LPAR1: variants seen among roughly 807,000 people sequenced by gnomAD.
The protein encoded by LPAR1 is LPA receptor 1.
A neutral mutation model predicts 23.8 loss-of-function variants in LPAR1; 5 were observed. That is an observed-to-expected ratio of 0.21 (90% CI 0.11 to 0.44). The LOEUF (loss-of-function observed/expected upper bound fraction) is 0.44. LPAR1 is among the 20% of genes least tolerant of loss of function. The pLI, the probability that LPAR1 is intolerant of heterozygous loss-of-function variation, is 0.99. For missense variants in LPAR1, 311 were observed against 482.8 expected (o/e 0.64, Z 3.33); for synonymous variants, 160 against 164.7 (o/e 0.97, Z 0.22).
At position 110,934,821 on chromosome 9, in the gene LPAR1, AACAC is replaced by A. The variant is rs34585506; in HGVS notation, c.793+6596_793+6599del. Among the ~76,000 whole-genome samples, 646 of 149,084 alleles carry A rather than the reference AACAC, an allele frequency of 4.3e-3. 24 individuals are homozygous for A. Among genetic ancestry groups the A allele is most frequent in the Admixed American group, 0.039 (578 of 14,996 alleles). On this transcript the variant is annotated intron_variant, in intron 5 of 5. Transcript: ENST00000683809. ...GTGAATATAACTGAACACACACACA[AACAC>A]ACACACACACACACACACAGAGAGT...
chr9:111,022,245 T>C (rs758436161), intron 2 of LPAR1, among the ~76,000 whole-genome samples: 1 of 152,258 alleles, frequency 6.6e-6, no homozygotes, highest in Middle Eastern at 3.4e-3. Flanking sequence ...ATACTAATAA[T>C]AGGACTGGGA....
intron 4 of LPAR1, among the ~76,000 whole-genome samples, chr9:110,963,221 G>A (rs2096069061): frequency 6.6e-6 from 1 of 152,174 alleles, no homozygotes; most frequent in Non-Finnish European, 1.5e-5. Flanking sequence ...TTCATCTTAT[G>A]AATAGAAAAT....
intron 2 of LPAR1, among the ~76,000 whole-genome samples, chr9:111,018,606 C>G (rs2097501037): frequency 1.3e-5 from 2 of 152,312 alleles, no homozygotes; most frequent in South Asian, 4.1e-4. Context: ...ATCCCATAAA[C>G]TTGACAATGG....
chr9:110,967,529 G>A (rs538110354), intron 4 of LPAR1, among the ~76,000 whole-genome samples: 1 of 152,070 alleles, frequency 6.6e-6, no homozygotes, highest in South Asian at 2.1e-4. Flanking sequence ...TTGTTGTTTT[G>A]GCCTTAGAAA....
intron 4 of LPAR1, among the ~76,000 whole-genome samples, chr9:110,949,496 C>T (rs893085689): frequency 2.6e-5 from 4 of 152,166 alleles, no homozygotes. Flanking sequence ...TAATCCTCTT[C>T]CCTTGATATG....
intron 2 of LPAR1, among the ~76,000 whole-genome samples, chr9:110,993,435 T>A (rs1471447229): frequency 1.3e-5 from 2 of 152,234 alleles, no homozygotes; most frequent in East Asian, 3.9e-4. Context: ...CTGTTTATTG[T>A]GTAGAATGTT....
At chr9:111,038,853 G>A (rs931275981), upstream of LPAR1, among the ~76,000 whole-genome samples, 45 of 141,298 alleles carry the variant, frequency 3.2e-4, no homozygotes, top group Middle Eastern at 7.1e-3. This position sits in a 1 kb window ranked among gnomAD's most constrained non-coding sequence, Gnocchi z 4.4. Flanking sequence ...TCCCACCCCC[G>A]CCCCTCCTGC....
intron 5 of LPAR1, among the ~76,000 whole-genome samples, chr9:110,921,983 G>C (rs7047057): frequency 1.8e-4 from 27 of 152,196 alleles, no homozygotes; most frequent in African/African-American, 6.3e-4. Flanking sequence ...GTCTGCAAAG[G>C]TCCAGAAGTT....
chr9:111,026,690 A>G (rs1228171904), intron 2 of LPAR1, among the ~76,000 whole-genome samples: 1 of 152,130 alleles, frequency 6.6e-6, no homozygotes, highest in Non-Finnish European at 1.5e-5. Flanking sequence ...TATTATCTTG[A>G]GATATGTTCC....
At chr9:110,927,163 A>T (rs919099996) in intron 5 of LPAR1, among the ~76,000 whole-genome samples, 21 of 152,232 alleles carry the variant, frequency 1.4e-4, no homozygotes, top group African/African-American at 4.8e-4. Context: ...AGTAAGTGGC[A>T]AATCTGGAAT....
intron 2 of LPAR1, among the ~76,000 whole-genome samples, chr9:111,005,240 T>A (rs550445715): frequency 1.1e-4 from 16 of 150,908 alleles, no homozygotes; most frequent in Non-Finnish European, 2.2e-4. Context: ...CCTGCAATGA[T>A]CTAACAAAAT....
intron 5 of LPAR1, chr9:110,903,282 T>C (rs1487236038): frequency 1.3e-5 from 2 of 151,528 alleles, no homozygotes; most frequent in African/African-American, 4.9e-5. Flanking sequence ...TAGAAACAAA[T>C]GAAAAAATAG....
intron 2 of LPAR1, among the ~76,000 whole-genome samples, chr9:111,021,963 CAAAAAAAAAAA>C (rs3030187): frequency 1.4e-4 from 10 of 69,878 alleles, no homozygotes; most frequent in African/African-American, 5.8e-4. Flanking sequence ...GACTCCGTCA[CAAAAAAAAAAA>C]AAAAAAAAAA....
At chr9:110,966,040 C>T (rs2096207144) in intron 4 of LPAR1, among the ~76,000 whole-genome samples, 1 of 152,048 alleles carries the variant, frequency 6.6e-6, no homozygotes, top group Non-Finnish European at 1.5e-5. Context: ...AAACCAAGTA[C>T]CACATATTCT....
intron 5 of LPAR1, among the ~76,000 whole-genome samples, chr9:110,913,831 T>C (rs1267201841): frequency 6.6e-6 from 1 of 152,178 alleles, no homozygotes. Flanking sequence ...AAAGTGGCTA[T>C]TTTGTAGAAT....
chr9:111,001,487 C>T (rs1009627335), intron 2 of LPAR1, among the ~76,000 whole-genome samples: 1 of 152,026 alleles, frequency 6.6e-6, no homozygotes, highest in African/African-American at 2.4e-5. Context: ...CATGACATTA[C>T]AGTGGGGACA....
At chr9:110,909,855 C>T (rs571095563) in intron 5 of LPAR1, among the ~76,000 whole-genome samples, 53 of 151,736 alleles carry the variant, frequency 3.5e-4, no homozygotes, top group African/African-American at 1.3e-3. Context: ...AAAAGTGATC[C>T]TCCCACCTCA....
chr9:111,005,917 T>C (rs2097210897), intron 2 of LPAR1, among the ~76,000 whole-genome samples: 1 of 152,150 alleles, frequency 6.6e-6, no homozygotes. Context: ...CTCTGTACCT[T>C]GCACATAAGT....
chr9:110,916,232 G>A (rs1003519509), intron 5 of LPAR1, among the ~76,000 whole-genome samples: 2 of 152,190 alleles, frequency 1.3e-5, no homozygotes, highest in African/African-American at 4.8e-5. Flanking sequence ...GGGACTGCCT[G>A]TATTTTACAA....
Sources: allele counts gnomAD v4.1 joint callset (sites outside exome capture counted in the v4.1 genomes callset), GRCh38; gene constraint gnomAD v4.1.1; non-coding constraint Gnocchi (gnomAD v3.1); transcripts MANE v1.5; gene names NCBI Gene and HGNC (gene_info 2026-07-23, HGNC 2026-07-21).